AAMP: variants seen among roughly 807,000 people sequenced by gnomAD.
AAMP encodes the protein angio-associated migratory cell protein.
A neutral mutation model predicts 51.1 loss-of-function variants in AAMP; 12 were observed. That is an observed-to-expected ratio of 0.23 (90% CI 0.15 to 0.38). The LOEUF is 0.38. Among genes scored for constraint, AAMP ranks in the 10% least tolerant of loss-of-function variants. The probability of loss-of-function intolerance (pLI) is 1.00; values close to 1 mark genes in which losing one functional copy is unlikely to be tolerated. For synonymous variants in AAMP, 210 were observed against 218.7 expected, an observed-to-expected ratio of 0.96 and a Z score of 0.35; for missense variants, 418 against 557.2, an observed-to-expected ratio of 0.75 and a Z score of 2.52.
Position 218,266,648 on chromosome 2 carries a change from C to T in AAMP, c.535-61G>A, listed in dbSNP as rs1037819059. 7.6e-6 allele frequency: 12 copies of T among 1,574,250 alleles called. No homozygotes were observed. In the African/African-American group the frequency reaches 9.5e-5, roughly 12 times the overall value. The stretch of plus-strand genomic sequence containing the variant: ...CACCCCATCCCACCTAGAAGCCTGC[C>T]CCATGAGCTCCACCCAAGGTTTCCT... On this transcript the variant is annotated intron_variant, in intron 4 of 10. Coordinates refer to ENST00000248450, the MANE Select transcript of AAMP (RefSeq NM_001087.5). This position sits in a 1 kb window ranked among gnomAD's most constrained non-coding sequence, Gnocchi z 4.7.
intron 10 of AAMP, 64 bp downstream of exon 10, chr2:218,264,956 C>G (rs1182795303): frequency 6.2e-7 from 1 of 1,603,244 alleles, no homozygotes; most frequent in African/African-American, 1.3e-5. Flanking sequence ...GATCCTGTGT[C>G]CCCTACATAC....
chr2:218,264,937 C>T (rs1690585964), intron 10 of AAMP, 83 bp downstream of exon 10: 1 of 1,586,654 alleles, frequency 6.3e-7, no homozygotes, highest in South Asian at 1.1e-5. Flanking sequence ...TCCCTTCCCA[C>T]ACCCCAAGGA....
At chr2:218,268,734 T>C (rs1355196206) in intron 2 of AAMP, among the ~76,000 whole-genome samples, 3 of 149,938 alleles carry the variant, frequency 2.0e-5, no homozygotes, top group African/African-American at 7.4e-5. Flanking sequence ...ACTCTCATTC[T>C]GTTGCCCAGG....
rs757739768 is a variant in AAMP, at chr2:218,269,500, A to G, written c.156T>C (p.Phe52=). The part of the protein sequence containing the change: ...DLAQEMEDVD[F]EEEEEEEGNE... ...TGCCCTCTTCCTCCTCTTCTTCCTC[A>G]AAGTCCACATCTTCCATCTCCTGGG... The change falls in exon 2 of 11, where the codon TTT becomes TTC. Residue 52 remains phenylalanine, a synonymous_variant. Transcript: ENST00000248450. 1.9e-6 allele frequency: 3 copies of G among 1,614,102 alleles called. No individual in the cohort carries two copies. Among genetic ancestry groups the G allele is most frequent in the Non-Finnish European group, 1.7e-6 (2 of 1,180,026 alleles).
chr2:218,269,604 G>C lies in AAMP; in HGVS notation c.122-70C>G, dbSNP rs764480265. ...AGAGGTACGGAGAGAAGCATGAGGA[G>C]GCCTGAGGCTGGGGCGGGTCATGTG... On this transcript the variant is annotated intron_variant, in intron 1 of 10. Transcript: ENST00000248450. 3.7e-6 allele frequency: 6 copies of C among 1,611,260 alleles called. No homozygotes were observed. The Admixed American group carries it at 8.3e-5, about 22-fold the overall frequency.
Position 218,266,174 on chromosome 2 carries a change from G to A in AAMP, c.680-27C>T. 1.3e-6 allele frequency: 2 copies of A among 1,598,374 alleles called. No homozygotes were observed. Among genetic ancestry groups the A allele is most frequent in the Non-Finnish European group, 8.6e-7 (1 of 1,165,764 alleles). ...TGAAGAGAGGCACAGATGAAGAGAGGGCAGAGGGCACGCTCACATACACTA... is the reference window on the plus strand; with the variant it reads ...TGAAGAGAGGCACAGATGAAGAGAGAGCAGAGGGCACGCTCACATACACTA... On this transcript the variant is annotated intron_variant, in intron 5 of 10. Coordinates refer to ENST00000248450, the MANE Select transcript of AAMP (RefSeq NM_001087.5). The surrounding 1 kb of genome is among the most constrained non-coding windows in gnomAD (Gnocchi z 4.7).
rs1690672074 is a variant in AAMP at position 218,267,915 on chromosome 2, G to A, written c.275-302C>T. ...GGGCTTACAGTTGTCAGCATGGGAT[G>A]CCACCGGGGTTGGGTACAGAGCGAG... On this transcript the variant is annotated intron_variant, in intron 2 of 10. Transcript: ENST00000248450. The surrounding 1 kb of genome is among the most constrained non-coding windows in gnomAD (Gnocchi z 4.6). 1.3e-5 allele frequency among the ~76,000 whole-genome samples: 2 copies of A among 152,318 alleles called. No homozygotes were observed. The highest frequency in any genetic ancestry group is 4.1e-4 in the South Asian group (2 of 4,826).
At chr2:218,264,703 T>C (rs574457780) in intron 10 of AAMP, 95 bp from the exon 11 acceptor site, 24 of 1,124,422 alleles carry the variant, frequency 2.1e-5, no homozygotes, top group Non-Finnish European at 3.1e-5. Context: ...CCCTCAGTTC[T>C]AGGGCCCTAG....
chr2:218,268,151 T>C lies in AAMP; in HGVS notation c.275-538A>G, dbSNP rs543189992. Among the ~76,000 whole-genome samples, 7 of 151,624 alleles carry C rather than the reference T, an allele frequency of 4.6e-5. No homozygotes were observed. In the South Asian group the frequency reaches 6.3e-4, roughly 14 times the overall value. Reference sequence around the variant, plus strand: ...AACCAGCTAATTTTTGTATTTTTAGTAGAGATGGGGTTTCATCATGTTGGT... The same window carrying C: ...AACCAGCTAATTTTTGTATTTTTAGCAGAGATGGGGTTTCATCATGTTGGT... On this transcript the variant is annotated intron_variant, in intron 2 of 10. Transcript: ENST00000248450.
rs1397621309 is a variant in AAMP at position 218,267,484 on chromosome 2, G to A, written c.394+10C>T. On this transcript the variant is annotated intron_variant, in intron 3 of 10. Coordinates refer to ENST00000248450, the MANE Select transcript of AAMP (RefSeq NM_001087.5). The surrounding 1 kb of genome is among the most constrained non-coding windows in gnomAD (Gnocchi z 4.6). ...TGACCTCTCCCAGGCCTCTACCCCAGCCCCCTCACCTGCACACTCAAAGAG... is the reference window on the plus strand; with the variant it reads ...TGACCTCTCCCAGGCCTCTACCCCAACCCCCTCACCTGCACACTCAAAGAG... The A allele has an allele frequency of 9.9e-6, 16 of 1,613,762 alleles. No homozygotes were observed. The highest frequency in any genetic ancestry group is 3.3e-4 in the Middle Eastern group (2 of 6,062).
chr2:218,264,470 CAGACAG>C lies in AAMP; in HGVS notation c.*57_*62del. The C allele has an allele frequency of 6.6e-7, 1 of 1,513,178 alleles. No individual in the cohort carries two copies. The highest frequency in any genetic ancestry group is 9.2e-7 in the Non-Finnish European group (1 of 1,088,938). 93.7% of individuals were successfully genotyped at this position (1,513,178 alleles called of 1,614,324 possible). On this transcript the variant is annotated 3_prime_UTR_variant, in exon 11 of 11. Coordinates refer to ENST00000248450, the MANE Select transcript of AAMP (RefSeq NM_001087.5). ...CTCTGTGCCCTACTGCCTCTGCTGG[CAGACAG>C]GGGCAGGGGTCCCTTCGTCCCCTCA...
intron 10 of AAMP, 86 bp from the exon 11 acceptor site, chr2:218,264,694 C>T: frequency 1.6e-6 from 2 of 1,223,408 alleles, no homozygotes; most frequent in South Asian, 1.2e-5. Flanking sequence ...TCCAGCACAC[C>T]CTCAGTTCTA....
rs368884549 is a variant in AAMP, at chr2:218,264,544, G to A, written c.1294C>T (p.Pro432Ser). ...AGGGGCTGCAGCCATTAACGGTCAGGCCTTTGGACACAAAATACTTTCGCT... is the reference window on the plus strand; with the variant it reads ...AGGGGCTGCAGCCATTAACGGTCAGACCTTTGGACACAAAATACTTTCGCT... ...HKAKVFCVQRPDR is the reference protein window; with the variant it reads ...HKAKVFCVQRSDR Residue 432 changes from proline to serine, a missense_variant, in exon 11 of 11, where the codon CCT becomes TCT. By Grantham distance (74) the Pro-to-Ser change is moderately conservative. Transcript: ENST00000248450. The A allele has an allele frequency of 1.1e-5, 18 of 1,614,012 alleles. No homozygotes were observed. Among genetic ancestry groups the A allele is most frequent in the Non-Finnish European group, 1.5e-5 (18 of 1,179,966 alleles).
At position 218,265,308 on chromosome 2, in the gene AAMP, G is replaced by A; in HGVS notation, c.1074+63C>T. The stretch of plus-strand genomic sequence containing the variant: ...CAGATCTGGGGTAGATGCTCCTGGA[G>A]GCCTGGGCTTCCCCACCACTATGGA... On this transcript the variant is annotated intron_variant, in intron 9 of 10. Transcript: ENST00000248450. The surrounding 1 kb of genome is among the most constrained non-coding windows in gnomAD (Gnocchi z 6.6). 4 of 1,531,178 alleles carry A rather than the reference G, an allele frequency of 2.6e-6. No individual in the cohort carries two copies. The Middle Eastern group carries it at 5.7e-4, about 217-fold the overall frequency. The allele number at this position is 1,531,178 out of a possible 1,614,324, so 94.8% of individuals were successfully genotyped here. A position where few individuals can be genotyped will look rare whatever the true frequency, so the allele number is the denominator to read the frequency against.
Position 218,266,949 on chromosome 2 carries a change from A to G in AAMP, c.432T>C (p.His144=). The change falls in exon 4 of 11, where the codon CAT becomes CAC. Residue 144 remains histidine, a synonymous_variant. Coordinates refer to ENST00000248450, the MANE Select transcript of AAMP (RefSeq NM_001087.5). This position sits in a 1 kb window ranked among gnomAD's most constrained non-coding sequence, Gnocchi z 4.7. ...KDSVTCAGFS[H]DSTLVATGDM... Reference sequence around the variant, plus strand: ...CCCCTGTGGCCACTAGAGTGGAGTCATGGCTGAAACCAGCACAAGTCACAG... The same window carrying G: ...CCCCTGTGGCCACTAGAGTGGAGTCGTGGCTGAAACCAGCACAAGTCACAG... 1 of 1,614,236 alleles carries G rather than the reference A, an allele frequency of 6.2e-7. No homozygotes were observed. Among genetic ancestry groups the G allele is most frequent in the Non-Finnish European group, 8.5e-7 (1 of 1,180,042 alleles).
At position 218,265,271 on chromosome 2, in the gene AAMP, C is replaced by T. The variant is rs1690596333; in HGVS notation, c.1075-97G>A. 6.4e-7 allele frequency: 1 copy of T among 1,552,804 alleles called. No individual in the cohort carries two copies. The highest frequency in any genetic ancestry group is 1.9e-5 in the Admixed American group (1 of 51,874). ...AAAGAGGGACAGCCACACACAAGGG[C>T]CAGGCAGGAGCCAGATCTGGGGTAG... On this transcript the variant is annotated intron_variant, in intron 9 of 10. Transcript: ENST00000248450. This position sits in a 1 kb window ranked among gnomAD's most constrained non-coding sequence, Gnocchi z 6.6.
chr2:218,269,744 T>C, intron 1 of AAMP: 1 of 1,003,756 alleles, frequency 1.0e-6, no homozygotes, highest in Non-Finnish European at 1.5e-6. Context: ...AAGGGGATGA[T>C]GGGAAGGGGG....
Position 218,266,242 on chromosome 2 carries a change from GCC to G in AAMP, c.680-97_680-96del. 1 of 1,360,534 alleles carries G rather than the reference GCC, an allele frequency of 7.4e-7. No homozygotes were observed. The highest frequency in any genetic ancestry group is 1.0e-6 in the Non-Finnish European group (1 of 961,754). 84.3% of individuals were successfully genotyped at this position (1,360,534 alleles called of 1,614,324 possible). A position where few individuals can be genotyped will look rare whatever the true frequency, so the allele number is the denominator to read the frequency against. On this transcript the variant is annotated intron_variant, in intron 5 of 10. Coordinates refer to ENST00000248450, the MANE Select transcript of AAMP (RefSeq NM_001087.5). This position sits in a 1 kb window ranked among gnomAD's most constrained non-coding sequence, Gnocchi z 4.7. ...AGGGAGAGGAAAGAAGAGTGGAAGG[GCC>G]CAGACACTGCCCCAGGAATCACAGG...
At position 218,267,971 on chromosome 2, in the gene AAMP, T is replaced by C. The variant is rs560052884; in HGVS notation, c.275-358A>G. ...CATCACGTTAAGGGTTTTTTGTTTT[T>C]TGTTTTTTGTTTTTTGAGACAGAGT... is the stretch of plus-strand genomic sequence containing the variant. On this transcript the variant is annotated intron_variant, in intron 2 of 10. Coordinates refer to ENST00000248450, the MANE Select transcript of AAMP (RefSeq NM_001087.5). This position sits in a 1 kb window ranked among gnomAD's most constrained non-coding sequence, Gnocchi z 4.6. 6.6e-6 allele frequency among the ~76,000 whole-genome samples: 1 copy of C among 152,132 alleles called. No individual in the cohort carries two copies. Among genetic ancestry groups the C allele is most frequent in the Non-Finnish European group, 1.5e-5 (1 of 68,032 alleles).
Sources: gnomAD v4.1 joint callset for allele counts (sites outside exome capture counted in the v4.1 genomes callset) on GRCh38, gnomAD v4.1.1 for gene constraint, Gnocchi (gnomAD v3.1) non-coding constraint, MANE v1.5 for transcripts, NCBI Gene and HGNC (gene_info 2026-07-23, HGNC 2026-07-21) for gene names.